The following NEK11 variants were observed in gnomAD, a reference collection of about 807,000 sequenced individuals.
NEK11 encodes NIMA related kinase 11.
In NEK11, 72 loss-of-function variants were observed where a neutral mutation model predicts 80.7. The ratio of observed to expected loss-of-function variants is 0.89; its 90% CI spans 0.74 to 1.08. NEK11 has a LOEUF of 1.08. Among genes scored for constraint, NEK11 ranks in the 50% least tolerant of loss-of-function variants. The pLI is 0.00. For missense variants in NEK11, 764 were observed against 763.6 expected, an observed-to-expected ratio of 1.00 and a Z score of -0.01; for synonymous variants, 251 against 260.7, an observed-to-expected ratio of 0.96 and a Z score of 0.36.
intron 10 of NEK11, among the ~76,000 whole-genome samples, chr3:131,155,731 C>T (rs946812502): frequency 1.9e-4 from 29 of 152,262 alleles, no homozygotes; most frequent in African/African-American, 6.0e-4. Context: ...TACAGTCATG[C>T]ACAACTATGG....
At chr3:131,064,295 T>C (rs2071465973) in intron 3 of NEK11, among the ~76,000 whole-genome samples, 1 of 152,192 alleles carries the variant, frequency 6.6e-6, no homozygotes, top group South Asian at 2.1e-4. Context: ...TTTCTCATGT[T>C]CTGGAGGCCG....
At chr3:131,275,694 G>C (rs1410492525) in intron 17 of NEK11, among the ~76,000 whole-genome samples, 1 of 152,170 alleles carries the variant, frequency 6.6e-6, no homozygotes, top group African/African-American at 2.4e-5. Context: ...TGAGCATGTT[G>C]TGTTTTCTCA....
At chr3:131,116,881 T>G (rs1288224601) in intron 5 of NEK11, among the ~76,000 whole-genome samples, 1 of 152,216 alleles carries the variant, frequency 6.6e-6, no homozygotes, top group Non-Finnish European at 1.5e-5. Context: ...TATTAGCCCT[T>G]TGTCAGATGG....
At chr3:131,319,783 C>G (rs192608059) in intron 17 of NEK11, among the ~76,000 whole-genome samples, 1 of 152,170 alleles carries the variant, frequency 6.6e-6, no homozygotes, top group East Asian at 1.9e-4. Flanking sequence ...ATAACTGAAC[C>G]TTACTTTCTA....
chr3:131,211,105 A>G (rs574415740), intron 14 of NEK11, among the ~76,000 whole-genome samples: 1 of 151,480 alleles, frequency 6.6e-6, no homozygotes, highest in East Asian at 1.9e-4. Context: ...TTTGCAGTGG[A>G]TGGTACCAGT....
intron 10 of NEK11, among the ~76,000 whole-genome samples, chr3:131,156,940 C>T (rs2090757275): frequency 6.8e-6 from 1 of 147,830 alleles, no homozygotes; most frequent in African/African-American, 2.5e-5. Flanking sequence ...AGGCTGTGAG[C>T]ATTCCACAAA....
chr3:131,223,688 C>T (rs2095100727), intron 14 of NEK11, among the ~76,000 whole-genome samples: 1 of 152,176 alleles, frequency 6.6e-6, no homozygotes. Context: ...GTTTTACTAT[C>T]TAGCCCTTTA....
At chr3:131,249,446 C>G (rs1005323094) in intron 16 of NEK11, among the ~76,000 whole-genome samples, 3 of 152,080 alleles carry the variant, frequency 2.0e-5, no homozygotes, top group African/African-American at 7.2e-5. Flanking sequence ...GTGCCTTTCT[C>G]TCCACTGGCA....
intron 3 of NEK11, among the ~76,000 whole-genome samples, chr3:131,033,498 T>C (rs2065180248): frequency 6.6e-6 from 1 of 152,210 alleles, no homozygotes; most frequent in African/African-American, 2.4e-5. Context: ...GTATCAGTGT[T>C]AAAGGAATGA....
intron 3 of NEK11, among the ~76,000 whole-genome samples, chr3:131,066,840 CA>C (rs56140132): frequency 6.1e-3 from 610 of 99,684 alleles, no homozygotes; most frequent in Non-Finnish European, 7.2e-3. Context: ...AGACTTGTCT[CA>C]AAAAAAAAAA....
intron 14 of NEK11, among the ~76,000 whole-genome samples, chr3:131,214,297 C>T (rs1007884971): frequency 3.9e-5 from 6 of 152,118 alleles, no homozygotes; most frequent in African/African-American, 1.4e-4. Context: ...GAGTTATCAC[C>T]ATCCCATTCT....
chr3:131,069,072 C>G (rs1369896196), intron 3 of NEK11, among the ~76,000 whole-genome samples: 12 of 152,098 alleles, frequency 7.9e-5, no homozygotes, highest in Non-Finnish European at 1.2e-4. Flanking sequence ...ACTGTTAAGA[C>G]AGCCAAACCA....
chr3:131,088,434 GAAAAGAAATGCACT>G (rs973774057), intron 4 of NEK11, among the ~76,000 whole-genome samples: 3 of 152,088 alleles, frequency 2.0e-5, no homozygotes, highest in Non-Finnish European at 2.9e-5. Flanking sequence ...TAGTTTCATT[GAAAAGAAATGCACT>G]AATGCACTAA....
At chr3:131,222,046 G>A (rs2095042985) in intron 14 of NEK11, among the ~76,000 whole-genome samples, 1 of 152,002 alleles carries the variant, frequency 6.6e-6, no homozygotes, top group African/African-American at 2.4e-5. Context: ...TTACCAGGAT[G>A]ACTAAGCTTC....
chr3:131,344,050 T>C (rs984714071), intron 17 of NEK11, among the ~76,000 whole-genome samples: 3 of 152,244 alleles, frequency 2.0e-5, no homozygotes, highest in African/African-American at 7.2e-5. Flanking sequence ...GTCACATGGC[T>C]AGGCTGCAAA....
At chr3:131,094,310 C>T (rs2077130712) in intron 4 of NEK11, among the ~76,000 whole-genome samples, 1 of 151,864 alleles carries the variant, frequency 6.6e-6, no homozygotes, top group Admixed American at 6.6e-5. Context: ...TATACTTTAG[C>T]ATAATGCATT....
At chr3:131,153,079 C>G (rs1455265739) in intron 9 of NEK11, among the ~76,000 whole-genome samples, 6 of 152,086 alleles carry the variant, frequency 3.9e-5, no homozygotes, top group Non-Finnish European at 8.8e-5. Context: ...GAGTGAGACT[C>G]TGTCTCAAAA....
At chr3:131,334,451 G>A (rs1471560722) in intron 17 of NEK11, among the ~76,000 whole-genome samples, 2 of 151,320 alleles carry the variant, frequency 1.3e-5, no homozygotes, top group African/African-American at 4.9e-5. Flanking sequence ...CAGAATCTCT[G>A]GGACACATTC....
intron 17 of NEK11, among the ~76,000 whole-genome samples, chr3:131,349,117 A>C (rs1276504643): frequency 6.6e-6 from 1 of 152,110 alleles, no homozygotes; most frequent in African/African-American, 2.4e-5. Context: ...TATTTGTCTT[A>C]CTTCCTGAGA....
Sources: allele counts gnomAD v4.1 joint callset (sites outside exome capture counted in the v4.1 genomes callset), GRCh38; gene constraint gnomAD v4.1.1; transcripts MANE v1.5; gene names NCBI Gene and HGNC (gene_info 2026-07-23, HGNC 2026-07-21).